The following ZNF257 variants were observed in gnomAD, a reference collection of about 807,000 sequenced individuals.
The protein encoded by ZNF257 is zinc finger protein 257.
ZNF257 carries 12 observed loss-of-function variants against 11.9 expected under a neutral mutation model. The ratio of observed to expected loss-of-function variants is 1.01; its 90% CI spans 0.65 to 1.63. The LOEUF (loss-of-function observed/expected upper bound fraction) is 1.63, where lower values mean the gene tolerates loss of function less well. Ranked by LOEUF, ZNF257 falls within the 40% of genes most tolerant of loss-of-function variation. The pLI is 0.00. For synonymous variants in ZNF257, 183 were observed against 222.7 expected, an observed-to-expected ratio of 0.82 and a Z score of 1.59; for missense variants, 580 against 665.5, an observed-to-expected ratio of 0.87 and a Z score of 1.41.
chr19:22,061,866 GC>G (rs2021802916), intron 1 of ZNF257, among the ~76,000 whole-genome samples: 1 of 139,146 alleles, frequency 7.2e-6, no homozygotes, highest in South Asian at 2.2e-4. Context: ...TTTGTTGAAA[GC>G]TTTTTTTTTT....
intron 1 of ZNF257, among the ~76,000 whole-genome samples, chr19:22,070,677 G>T (rs2022082407): frequency 6.6e-6 from 1 of 152,260 alleles, no homozygotes; most frequent in Admixed American, 6.5e-5. Flanking sequence ...AGAAGTATTT[G>T]TGTTGTGACA....
At chr19:22,084,080 CAG>C (rs2022419310) in intron 3 of ZNF257, among the ~76,000 whole-genome samples, 2 of 149,672 alleles carry the variant, frequency 1.3e-5, no homozygotes, top group African/African-American at 5.0e-5. Flanking sequence ...GCAGAGGTTG[CAG>C]TGAGCTGAGA....
intron 1 of ZNF257, among the ~76,000 whole-genome samples, chr19:22,059,253 A>T (rs1169192822): frequency 2.6e-5 from 4 of 152,162 alleles, no homozygotes; most frequent in African/African-American, 9.7e-5. Context: ...CTGAGATACT[A>T]AACTTTGCAC....
intron 1 of ZNF257, among the ~76,000 whole-genome samples, chr19:22,057,088 G>T (rs1035242252): frequency 3.3e-5 from 5 of 152,066 alleles, no homozygotes; most frequent in African/African-American, 1.2e-4. Context: ...TTACCTCCTA[G>T]AAGTGTTCAC....
At chr19:22,055,958 G>A (rs1047350792) in intron 1 of ZNF257, among the ~76,000 whole-genome samples, 5 of 151,396 alleles carry the variant, frequency 3.3e-5, no homozygotes, top group Admixed American at 6.6e-5. Flanking sequence ...GGGAGGCTGA[G>A]GCAGGAGAAT....
At chr19:22,056,547 C>T (rs1191143633) in intron 1 of ZNF257, among the ~76,000 whole-genome samples, 1 of 146,520 alleles carries the variant, frequency 6.8e-6, no homozygotes, top group African/African-American at 2.6e-5. Context: ...ACAATCTTGG[C>T]TCACTGCAAG....
Position 22,052,608 on chromosome 19 carries a change from G to A in ZNF257, c.-25G>A. ...GTATTGGGAGATCCCCAGCTAAGAC[G>A]CCAGGTCCTCCTGGAAGCCTAGAAA... On this transcript the variant is annotated 5_prime_UTR_variant, in exon 1 of 4. Transcript: ENST00000594947. The A allele has an allele frequency of 6.2e-7, 1 of 1,605,418 alleles. No individual in the cohort carries two copies. The highest frequency in any genetic ancestry group is 8.5e-7 in the Non-Finnish European group (1 of 1,174,612).
At chr19:22,078,796 T>C (rs189367322) in intron 3 of ZNF257, among the ~76,000 whole-genome samples, 10 of 148,986 alleles carry the variant, frequency 6.7e-5, no homozygotes, top group Non-Finnish European at 8.9e-5. Flanking sequence ...TTCTTTCTTT[T>C]TTTTTTTTTT....
intron 3 of ZNF257, among the ~76,000 whole-genome samples, chr19:22,087,351 T>A (rs2145719873): frequency 6.6e-6 from 1 of 152,164 alleles, no homozygotes; most frequent in East Asian, 1.9e-4. Context: ...TTAGAGTGTG[T>A]CTGATCTGAA....
rs376499861 is a variant in ZNF257 at position 22,074,286 on chromosome 19, C to G, written c.226+722C>G. ...CTTCTCTATTTCTTTTCCTAGCTAT[C>G]TTATATCTTTCAGTGTAAAGAGTTT... On this transcript the variant is annotated intron_variant, in intron 3 of 3. Transcript: ENST00000594947. 7.9e-5 allele frequency: 12 copies of G among 152,110 alleles called. No individual in the cohort carries two copies. The East Asian group carries it at 2.3e-3, about 29-fold the overall frequency. 9.4% of individuals were successfully genotyped at this position (152,110 alleles called of 1,614,324 possible).
At chr19:22,063,998 G>A (rs545848641) in intron 1 of ZNF257, 1 of 152,222 alleles carries the variant, frequency 6.6e-6, no homozygotes, top group South Asian at 2.1e-4. Flanking sequence ...CTCTTCATAG[G>A]TCTCTAAGAA....
chr19:22,085,977 T>G (rs28456336), intron 3 of ZNF257, among the ~76,000 whole-genome samples: 100,320 of 151,948 alleles, frequency 0.66, 33,866 homozygotes, highest in South Asian at 0.84. Context: ...AAGGCAAGTC[T>G]GGCCTTGAGT....
intron 3 of ZNF257, among the ~76,000 whole-genome samples, chr19:22,084,576 GTATAAACATC>G (rs1408752553): frequency 6.6e-6 from 1 of 151,866 alleles, no homozygotes; most frequent in East Asian, 1.9e-4. Context: ...ACATTAAACA[GTATAAACATC>G]TATACAATAT....
chr19:22,052,761 G>A, intron 1 of ZNF257, 126 bp downstream of exon 1: 2 of 1,188,060 alleles, frequency 1.7e-6, no homozygotes, highest in Non-Finnish European at 2.4e-6. Context: ...AGTTTTCCTT[G>A]GCCAGCTCGG....
Position 22,072,909 on chromosome 19 carries a change from A to G in ZNF257, c.104A>G (p.Glu35Gly), listed in dbSNP as rs547033894. ...AATTTATATAGGGATGTGATGTTAG[A>G]GAACTACAGAAACCTGGTCTTCCTG... The part of the protein sequence containing the change: ...QQNLYRDVML[E>G]NYRNLVFLGI... Residue 35 changes from glutamate (E) to glycine (G), a missense_variant, in exon 2 of 4, where the codon GAG becomes GGG. Glu to Gly is a moderately conservative substitution (Grantham distance 98, BLOSUM62 -2). Transcript: ENST00000594947. 1.2e-6 allele frequency: 2 copies of G among 1,613,032 alleles called. No individual in the cohort carries two copies. The highest frequency in any genetic ancestry group is 4.5e-5 in the East Asian group (2 of 44,832).
chr19:22,068,156 CTTT>C (rs758701719), intron 1 of ZNF257, among the ~76,000 whole-genome samples: 27 of 121,196 alleles, frequency 2.2e-4, no homozygotes, highest in Admixed American at 4.3e-4. Flanking sequence ...CTCTGTCCCT[CTTT>C]TTTTTTTTTT....
chr19:22,059,159 A>T (rs1036658210), intron 1 of ZNF257, among the ~76,000 whole-genome samples: 1 of 151,934 alleles, frequency 6.6e-6, no homozygotes, highest in African/African-American at 2.4e-5. Flanking sequence ...TTTAACTTTT[A>T]TTTTTTGTTC....
intron 1 of ZNF257, among the ~76,000 whole-genome samples, chr19:22,069,508 G>C (rs2022046244): frequency 6.6e-6 from 1 of 151,986 alleles, no homozygotes; most frequent in Non-Finnish European, 1.5e-5. Context: ...CCAGCTACTT[G>C]GGAGGCTGAA....
chr19:22,086,064 G>A (rs921502750), intron 3 of ZNF257, among the ~76,000 whole-genome samples: 2 of 152,006 alleles, frequency 1.3e-5, no homozygotes, highest in African/African-American at 4.8e-5. Context: ...TTTTCTAAAA[G>A]ACAAAGACTT....
Sources: gnomAD v4.1 joint callset for allele counts (sites outside exome capture counted in the v4.1 genomes callset) on GRCh38, gnomAD v4.1.1 for gene constraint, MANE v1.5 for transcripts, NCBI Gene and HGNC (gene_info 2026-07-23, HGNC 2026-07-21) for gene names.